PRPF31: variants seen among roughly 807,000 people sequenced by gnomAD.
PRPF31 encodes pre-mRNA processing factor 31.
Under a neutral mutation model 60.4 loss-of-function variants are expected in PRPF31, and 12 were observed. That is an observed-to-expected ratio of 0.20 (90% CI 0.13 to 0.32). The LOEUF (loss-of-function observed/expected upper bound fraction) is 0.32, where lower values mean the gene tolerates loss of function less well. Ranked by LOEUF, PRPF31 falls within the 10% of genes least tolerant of loss-of-function variation. The pLI, the probability that PRPF31 is intolerant of heterozygous loss-of-function variation, is 1.00. For missense variants in PRPF31, 431 were observed against 687.1 expected (o/e 0.63, Z 4.17); for synonymous variants, 287 against 287.9 (o/e 1.00, Z 0.03).
At chr19:54,122,205 G>T (rs1335031554) in intron 4 of PRPF31, 6 of 622,020 alleles carry the variant, frequency 9.6e-6, no homozygotes, top group Non-Finnish European at 1.4e-5. Context: ...CCTGCCTCAC[G>T]GTGCGAGGTG....
intron 1 of PRPF31, among the ~76,000 whole-genome samples, chr19:54,117,281 A>G (rs890307898): frequency 5.3e-5 from 8 of 152,166 alleles, no homozygotes; most frequent in Non-Finnish European, 5.9e-5. Flanking sequence ...AAATGCTCGC[A>G]GATGAGAAAT....
intron 3 of PRPF31, among the ~76,000 whole-genome samples, chr19:54,121,538 G>T (rs2146407621): frequency 6.6e-6 from 1 of 152,268 alleles, no homozygotes; most frequent in South Asian, 2.1e-4. Context: ...ACTGGTCCCT[G>T]CAGAGCTTCC....
rs1353795698 is a variant in PRPF31, at chr19:54,128,355, C to T, written c.1124C>T (p.Ala375Val). ...GGGCTGACGGAGATCCGGAAGCAGG[C>T]CAACCGTATGAGCTTCGGAGAGGTC... ...RLGLTEIRKQ[A>V]NRMSFGEIEE... Residue 375 changes from alanine (A) to valine (V), a missense_variant, in exon 11 of 14, where the codon GCC (alanine) becomes GTC (valine). Physicochemically the swap from Ala to Val is moderately conservative, Grantham distance 64. Coordinates refer to ENST00000321030, the MANE Select transcript of PRPF31 (RefSeq NM_015629.4). 1.9e-6 allele frequency: 3 copies of T among 1,545,250 alleles called. No individual in the cohort carries two copies. Among genetic ancestry groups the T allele is most frequent in the Non-Finnish European group, 2.6e-6 (3 of 1,146,082 alleles).
At chr19:54,119,751 C>T (rs1004142388) in intron 3 of PRPF31, 5 of 152,200 alleles carry the variant, frequency 3.3e-5, no homozygotes, top group African/African-American at 7.2e-5. Flanking sequence ...CCACCTCGGC[C>T]TCCCAAAGTG....
In PRPF31 at chr19:54,129,277, C is replaced by G; in HGVS notation, c.1281C>G (p.Thr427=). ...CCTCCCTGTCCTCCCCACAGCGGAC[C>G]CTGCAGAAGCAGAGCGTCGTATATG... ...KARISKTLQR[T]LQKQSVVYGG... is the part of the protein sequence containing the mutation. The change falls in exon 13 of 14, where the codon ACC becomes ACG. Residue 427 remains threonine (T), a synonymous_variant. Coordinates refer to ENST00000321030, the MANE Select transcript of PRPF31 (RefSeq NM_015629.4). 6.2e-7 allele frequency: 1 copy of G among 1,611,298 alleles called. No homozygotes were observed. The highest frequency in any genetic ancestry group is 1.3e-5 in the African/African-American group (1 of 74,968).
chr19:54,124,110 C>T (rs2073861864), intron 7 of PRPF31, 192 bp downstream of exon 7: 1 of 1,166,048 alleles, frequency 8.6e-7, no homozygotes, highest in African/African-American at 1.6e-5. Flanking sequence ...TCACCCACAG[C>T]TCCTTCTCCC....
chr19:54,131,562 GGAGGAGGCCTTGGAA>G lies in PRPF31; in HGVS notation c.*134_*148del. 7.0e-7 allele frequency: 1 copy of G among 1,425,462 alleles called. No homozygotes were observed. Among genetic ancestry groups the G allele is most frequent in the Admixed American group, 2.0e-5 (1 of 50,958 alleles). 88.3% of individuals were successfully genotyped at this position (1,425,462 alleles called of 1,614,324 possible). A position where few individuals can be genotyped will look rare whatever the true frequency, so the allele number is the denominator to read the frequency against. On this transcript the variant is annotated 3_prime_UTR_variant, in exon 14 of 14. Coordinates refer to ENST00000321030, the MANE Select transcript of PRPF31 (RefSeq NM_015629.4). ...TGGCCCCATTGCTGGGACTGCCCAG[GGAGGAGGCCTTGGAA>G]GAGTCCGGCCTGGCCTCCCCCAGGA...
chr19:54,128,510 C>CT (rs56079120), intron 11 of PRPF31, 133 bp downstream of exon 11: 13 of 938,516 alleles, frequency 1.4e-5, no homozygotes, highest in Middle Eastern at 3.2e-4. Context: ...CCTCCCCCCC[C>CT]CCGGCCTCTA....
chr19:54,127,928 G>A (rs1209040666), intron 9 of PRPF31, 145 bp from the exon 10 acceptor site: 2 of 1,187,562 alleles, frequency 1.7e-6, no homozygotes, highest in Non-Finnish European at 2.4e-6. Flanking sequence ...TCAACACCAA[G>A]AAGAAAAAGA....
chr19:54,121,303 CA>C (rs587751948), intron 3 of PRPF31, among the ~76,000 whole-genome samples: 98,707 of 122,416 alleles, frequency 0.81, 38,926 homozygotes, highest in African/African-American at 0.86. Context: ...AATTATGTCT[CA>C]AAAAAAAAAA....
At chr19:54,118,671 TCTCTCCTGC>T in intron 3 of PRPF31, 38 bp downstream of exon 3, 1 of 1,606,392 alleles carries the variant, frequency 6.2e-7, no homozygotes, top group Middle Eastern at 1.7e-4. Context: ...CCATCTCCTG[TCTCTCCTGC>T]CAGGCCCCCT....
At chr19:54,127,616 G>A (rs76804167) in intron 9 of PRPF31, among the ~76,000 whole-genome samples, 1 of 152,208 alleles carries the variant, frequency 6.6e-6, no homozygotes, top group African/African-American at 2.4e-5. Flanking sequence ...GCTGCAACAG[G>A]GGATGTTATT....
At chr19:54,128,452 C>T (rs1338137637) in intron 11 of PRPF31, 75 bp downstream of exon 11, 5 of 1,415,150 alleles carry the variant, frequency 3.5e-6, no homozygotes, top group African/African-American at 1.4e-5. Flanking sequence ...TGCCACCGCC[C>T]CTCCTCTCGT....
chr19:54,123,660 GCACA>G (rs35291886), intron 6 of PRPF31, 85 bp from the exon 7 acceptor site: 523,401 of 1,579,556 alleles, frequency 0.33, 89,948 homozygotes, highest in Non-Finnish European at 0.36. Context: ...ATACACACAT[GCACA>G]CACACACACA....
At chr19:54,128,428 C>T (rs1431272855) in intron 11 of PRPF31, 51 bp downstream of exon 11, 8 of 1,503,550 alleles carry the variant, frequency 5.3e-6, no homozygotes, top group Admixed American at 2.0e-5. Flanking sequence ...CAGCCGCCAC[C>T]GCCCTCTGCC....
chr19:54,126,668 G>A (rs755061436), intron 9 of PRPF31, 51 bp downstream of exon 9: 1 of 1,545,210 alleles, frequency 6.5e-7, no homozygotes, highest in East Asian at 2.3e-5. Context: ...TCTGGGCCTG[G>A]GGTGTCTCTG....
chr19:54,124,846 CTG>C (rs1322680561), intron 8 of PRPF31, 190 bp downstream of exon 8: 7 of 691,922 alleles, frequency 1.0e-5, no homozygotes, highest in South Asian at 6.9e-5. Flanking sequence ...AGTCAGGTGA[CTG>C]TGGGCAAGAG....
At chr19:54,123,318 C>G (rs1454515774) in intron 5 of PRPF31, 136 bp from the exon 6 acceptor site, 3 of 752,060 alleles carry the variant, frequency 4.0e-6, no homozygotes, top group African/African-American at 1.7e-5. Context: ...GCGGTGGAGG[C>G]AGGAGAGGCC....
At chr19:54,127,595 G>A (rs1462019656) in intron 9 of PRPF31, among the ~76,000 whole-genome samples, 1 of 152,188 alleles carries the variant, frequency 6.6e-6, no homozygotes, top group Non-Finnish European at 1.5e-5. Context: ...TCCACACCAG[G>A]ATCTGTCCCC....
Sources: gnomAD v4.1 joint callset for allele counts (sites outside exome capture counted in the v4.1 genomes callset) on GRCh38, gnomAD v4.1.1 for gene constraint, MANE v1.5 for transcripts, NCBI Gene and HGNC (gene_info 2026-07-23, HGNC 2026-07-21) for gene names.